Variants in RDX observed in about 807,000 individuals in gnomAD.
The protein encoded by RDX is radixin.
In RDX, 32 loss-of-function variants were observed where a neutral mutation model predicts 83.7. The ratio of observed to expected loss-of-function variants is 0.38; its 90% CI spans 0.29 to 0.51. The LOEUF (loss-of-function observed/expected upper bound fraction) is 0.51. Ranked by LOEUF, RDX falls within the 20% of genes least tolerant of loss-of-function variation. The probability of loss-of-function intolerance (pLI) is 0.87; values close to 1 mark genes in which losing one functional copy is unlikely to be tolerated. For synonymous variants in RDX, 229 were observed against 222.7 expected (o/e 1.03, Z -0.25); for missense variants, 600 against 689.9 (o/e 0.87, Z 1.46).
At position 110,223,557 on chromosome 11, in the gene RDX, A is replaced by G. The variant is rs183643758; in HGVS notation, c.1748+8316T>C. ...AAATAAATAAAATAAAGTTCCTGAG[A>G]AGAAACCATCTACCTGTAACTTAGA... is the stretch of plus-strand genomic sequence containing the variant. On this transcript the variant is annotated intron_variant, in intron 14 of 15. Transcript: ENST00000528498. Among the ~76,000 whole-genome samples the G allele has an allele frequency of 6.3e-3, 955 of 152,224 alleles. 18 individuals carry two copies. The highest frequency in any genetic ancestry group is 0.02 in the African/African-American group (842 of 41,546).
At chr11:110,184,961 C>T (rs1337488390) in intron 15 of RDX, 1 of 152,124 alleles carries the variant, frequency 6.6e-6, no homozygotes. Flanking sequence ...CGGGGACACA[C>T]TCTGCTCTGG....
intron 2 of RDX, among the ~76,000 whole-genome samples, chr11:110,275,696 T>C (rs934588055): frequency 3.3e-5 from 5 of 152,108 alleles, no homozygotes; most frequent in East Asian, 3.8e-4. Flanking sequence ...ACTTTCTCCA[T>C]AGTGTCCTTT....
intron 10 of RDX, among the ~76,000 whole-genome samples, chr11:110,240,617 C>T (rs1222973112): frequency 2.6e-5 from 4 of 151,446 alleles, no homozygotes; most frequent in African/African-American, 7.3e-5. Context: ...TGGTAGCGGG[C>T]GCCTGTAGTC....
At chr11:110,228,091 G>C (rs924608719), downstream of RDX, among the ~76,000 whole-genome samples, 1 of 152,034 alleles carries the variant, frequency 6.6e-6, no homozygotes, top group African/African-American at 2.4e-5. Context: ...CTTATATCTT[G>C]ATACATGGAC....
chr11:110,200,258 A>G (rs1485731557), intron 14 of RDX: 2 of 153,344 alleles, frequency 1.3e-5, no homozygotes, highest in African/African-American at 4.8e-5. Flanking sequence ...AGGTTAAGAC[A>G]AACAAACCAT....
intron 14 of RDX, among the ~76,000 whole-genome samples, chr11:110,223,167 A>C (rs1309217860): frequency 6.6e-6 from 1 of 152,054 alleles, no homozygotes; most frequent in African/African-American, 2.4e-5. Flanking sequence ...CCTGGCCAGC[A>C]TGGTGAAACC....
At chr11:110,255,590 A>T (rs1044292056) in intron 7 of RDX, among the ~76,000 whole-genome samples, 13 of 152,190 alleles carry the variant, frequency 8.5e-5, no homozygotes, top group Admixed American at 2.0e-4. Flanking sequence ...AAGATTTCAT[A>T]AATGTGTCAT....
intron 10 of RDX, among the ~76,000 whole-genome samples, chr11:110,239,986 T>C (rs1261819379): frequency 1.3e-5 from 2 of 152,114 alleles, no homozygotes; most frequent in East Asian, 3.9e-4. Context: ...ACTACGGAAT[T>C]ACCATAGTAT....
At chr11:110,206,618 C>G (rs1362328204) in intron 14 of RDX, among the ~76,000 whole-genome samples, 1 of 152,114 alleles carries the variant, frequency 6.6e-6, no homozygotes, top group Non-Finnish European at 1.5e-5. Flanking sequence ...AATATATATA[C>G]ATATATTCCA....
At chr11:110,203,085 A>C (rs1261733631) in intron 14 of RDX, among the ~76,000 whole-genome samples, 1 of 152,212 alleles carries the variant, frequency 6.6e-6, no homozygotes, top group Non-Finnish European at 1.5e-5. Context: ...ACTACTCACA[A>C]TAGCCAAGAT....
At position 110,181,209 on chromosome 11, in the gene RDX, T is replaced by G. The variant is rs564184030; in HGVS notation, c.*32-5975A>C. 2.0e-5 allele frequency among the ~76,000 whole-genome samples: 3 copies of G among 150,526 alleles called. No homozygotes were observed. In the East Asian group the frequency reaches 5.9e-4, roughly 30 times the overall value. On this transcript the variant is annotated intron_variant, in intron 15 of 15. Transcript: ENST00000528498. ...CGGAGTCTTGCCCTGTCACTCAGGC[T>G]GGACTACAAATGGAGCGAACTCGAC...
At chr11:110,291,884 C>T (rs1211106932) in intron 1 of RDX, among the ~76,000 whole-genome samples, 1 of 152,116 alleles carries the variant, frequency 6.6e-6, no homozygotes, top group Non-Finnish European at 1.5e-5. Flanking sequence ...ATCCTCCCAG[C>T]ACTTCAGGAG....
intron 1 of RDX, 107 bp downstream of exon 1, chr11:110,296,360 G>T (rs895193453): frequency 6.6e-6 from 1 of 151,772 alleles, no homozygotes; most frequent in African/African-American, 2.4e-5. Flanking sequence ...CCCTGGCGGC[G>T]GCGCCACGGC....
intron 8 of RDX, 124 bp from the exon 9 acceptor site, chr11:110,254,233 G>A: frequency 1.2e-6 from 1 of 807,236 alleles, no homozygotes; most frequent in Non-Finnish European, 2.0e-6. Context: ...TTAGAAATAA[G>A]AAATCATACA....
At chr11:110,295,021 A>G (rs1241047574) in intron 1 of RDX, among the ~76,000 whole-genome samples, 1 of 152,384 alleles carries the variant, frequency 6.6e-6, no homozygotes, top group Non-Finnish European at 1.5e-5. Context: ...TTAAGCAAAG[A>G]AAGTCACTGC....
rs763934670 is a variant in RDX at position 110,263,953 on chromosome 11, C to T, written c.467+7G>A. On this transcript the variant is annotated splice_region_variant and intron_variant, in intron 5 of 13. Coordinates refer to ENST00000645495, the MANE Select transcript of RDX (RefSeq NM_002906.4). ...GACAATATAATGCAAACGCATGTTT[C>T]ACTTACCGCTGGGGTAGGAGTCTAT... 2 of 1,611,698 alleles carry T rather than the reference C, an allele frequency of 1.2e-6. No homozygotes were observed. Among genetic ancestry groups the T allele is most frequent in the Admixed American group, 1.7e-5 (1 of 59,936 alleles).
intron 15 of RDX, among the ~76,000 whole-genome samples, chr11:110,185,988 C>A (rs1862979799): frequency 6.6e-6 from 1 of 152,184 alleles, no homozygotes; most frequent in Non-Finnish European, 1.5e-5. Context: ...TGCATCCACG[C>A]TGGAGGAGGG....
intron 12 of RDX, among the ~76,000 whole-genome samples, chr11:110,235,765 CCT>C (rs1034648550): frequency 1.3e-5 from 2 of 152,158 alleles, no homozygotes; most frequent in South Asian, 2.1e-4. Context: ...CATTCAGTTC[CCT>C]CTGTCTAGAA....
intron 1 of RDX, among the ~76,000 whole-genome samples, chr11:110,290,743 T>C (rs1006390920): frequency 6.6e-6 from 1 of 152,150 alleles, no homozygotes; most frequent in Admixed American, 6.5e-5. Context: ...AGCCACACAG[T>C]CTCTGTTGAA....
Sources: allele counts gnomAD v4.1 joint callset (sites outside exome capture counted in the v4.1 genomes callset), GRCh38; gene constraint gnomAD v4.1.1; transcripts MANE v1.5; gene names NCBI Gene and HGNC (gene_info 2026-07-23, HGNC 2026-07-21).